Variants in SYCP1 observed in about 807,000 individuals in gnomAD.
The protein encoded by SYCP1 is cancer/testis antigen 8.
A neutral mutation model predicts 153.1 loss-of-function variants in SYCP1; 64 were observed. The observed-to-expected ratio is 0.42, with a 90% CI of 0.34 to 0.51. The LOEUF (loss-of-function observed/expected upper bound fraction) is 0.51. Among genes scored for constraint, SYCP1 ranks in the 20% least tolerant of loss-of-function variants. SYCP1 has a pLI of 0.06. For missense variants in SYCP1, 997 were observed against 1,049.0 expected (o/e 0.95, Z 0.68); for synonymous variants, 384 against 341.8 (o/e 1.12, Z -1.36).
rs990095408 is a variant in SYCP1 at position 114,912,891 on chromosome 1, A to G, written c.1530-142A>G. The G allele has an allele frequency of 1.5e-5, 9 of 598,526 alleles. No individual in the cohort carries two copies. The African/African-American group carries it at 1.7e-4, about 11-fold the overall frequency. 37.1% of individuals were successfully genotyped at this position (598,526 alleles called of 1,614,324 possible). On this transcript the variant is annotated intron_variant, in intron 18 of 31. Transcript: ENST00000369522. ...ATCAACCTATCACCCAGCTTCAGGA[A>G]TTATAAACCAATAGTCAATTTTGTT...
At chr1:114,865,149 C>T (rs1664652708) in intron 8 of SYCP1, among the ~76,000 whole-genome samples, 1 of 151,800 alleles carries the variant, frequency 6.6e-6, no homozygotes, top group African/African-American at 2.4e-5. Flanking sequence ...TACTTTTTAT[C>T]TGTATGAACA....
intron 15 of SYCP1, among the ~76,000 whole-genome samples, chr1:114,890,455 T>C (rs141873223): frequency 3.9e-5 from 6 of 152,132 alleles, no homozygotes; most frequent in African/African-American, 1.4e-4. Flanking sequence ...CATACTAATA[T>C]ATTTTGGGTG....
Position 114,860,829 on chromosome 1 carries a change from TA to T in SYCP1, c.598+21del, listed in dbSNP as rs776514218. The T allele has an allele frequency of 6.5e-7, 1 of 1,529,838 alleles. No individual in the cohort carries two copies. The highest frequency in any genetic ancestry group is 1.2e-5 in the South Asian group (1 of 80,248). The allele number at this position is 1,529,838 out of a possible 1,614,324, so 94.8% of individuals were successfully genotyped here. A position where few individuals can be genotyped will look rare whatever the true frequency, so the allele number is the denominator to read the frequency against. On this transcript the variant is annotated intron_variant, in intron 8 of 31. Transcript: ENST00000369522. Reference sequence around the variant, plus strand: ...AGAAATGTAAATATCTTTCTTGTTTTATGTGATTTTATCAATTTATTTTACT... The same window carrying T: ...AGAAATGTAAATATCTTTCTTGTTTTTGTGATTTTATCAATTTATTTTACT...
chr1:114,914,038 C>A lies in SYCP1; in HGVS notation c.1711C>A (p.Gln571Lys). 6.4e-7 allele frequency: 1 copy of A among 1,568,428 alleles called. No homozygotes were observed. Among genetic ancestry groups the A allele is most frequent in the South Asian group, 1.2e-5 (1 of 80,514 alleles). Residue 571 changes from glutamine to lysine, a missense_variant, in exon 20 of 32, where the codon CAA becomes AAA. Gln to Lys is a moderately conservative substitution (Grantham distance 53, BLOSUM62 1). Transcript: ENST00000369522. ...QIENLQETET[Q>K]LRNELEYVRE... is the part of the protein sequence containing the mutation. ...AGAAAATCTTCAAGAAACAGAAACC[C>A]AATTAAGGCAAGACTAACAAATTGG...
At chr1:114,924,977 T>C (rs1193439696) in intron 21 of SYCP1, among the ~76,000 whole-genome samples, 1 of 152,174 alleles carries the variant, frequency 6.6e-6, no homozygotes, top group Non-Finnish European at 1.5e-5. Context: ...AGGTGCATTC[T>C]AGGTTCTTTC....
intron 8 of SYCP1, among the ~76,000 whole-genome samples, chr1:114,865,920 C>T (rs1329234018): frequency 6.6e-6 from 1 of 152,150 alleles, no homozygotes; most frequent in Non-Finnish European, 1.5e-5. Context: ...TTATGTAGTT[C>T]GAATCCTACA....
intron 18 of SYCP1, among the ~76,000 whole-genome samples, chr1:114,912,665 A>G (rs1205798691): frequency 6.6e-6 from 1 of 152,018 alleles, no homozygotes; most frequent in Non-Finnish European, 1.5e-5. Flanking sequence ...ATCAGGTTAT[A>G]GGAAGTTTGA....
Position 114,885,639 on chromosome 1 carries a change from A to T in SYCP1, c.1005+10A>T. The T allele has an allele frequency of 6.8e-7, 1 of 1,479,668 alleles. No individual in the cohort carries two copies. 91.7% of individuals were successfully genotyped at this position (1,479,668 alleles called of 1,614,324 possible). ...ATTACAAAGAAGTGTGGTATGATTT[A>T]AAAACTCATTAGTGTGTAATAAGTC... On this transcript the variant is annotated intron_variant, in intron 13 of 31. Coordinates refer to ENST00000369522, the MANE Select transcript of SYCP1 (RefSeq NM_003176.4).
Position 114,876,054 on chromosome 1 carries a change from A to C in SYCP1, c.658-15A>C. ...AAAAAAATTTAAGTATGATTCTTAA[A>C]ACTTTATATTTCAGAAAATGATAAC... On this transcript the variant is annotated splice_polypyrimidine_tract_variant and intron_variant, in intron 9 of 31. Coordinates refer to ENST00000369522, the MANE Select transcript of SYCP1 (RefSeq NM_003176.4). 1 of 1,530,694 alleles carries C rather than the reference A, an allele frequency of 6.5e-7. No individual in the cohort carries two copies. Among genetic ancestry groups the C allele is most frequent in the Non-Finnish European group, 8.8e-7 (1 of 1,137,248 alleles). 94.8% of individuals were successfully genotyped at this position (1,530,694 alleles called of 1,614,324 possible). A position where few individuals can be genotyped will look rare whatever the true frequency, so the allele number is the denominator to read the frequency against.
chr1:114,963,641 G>C (rs983799758), intron 27 of SYCP1, among the ~76,000 whole-genome samples: 1 of 152,056 alleles, frequency 6.6e-6, no homozygotes, highest in Non-Finnish European at 1.5e-5. Context: ...TTCTGTTTCT[G>C]TGTTAGTTTG....
At chr1:114,962,139 C>A (rs1345562296) in intron 27 of SYCP1, among the ~76,000 whole-genome samples, 3 of 152,092 alleles carry the variant, frequency 2.0e-5, no homozygotes, top group South Asian at 2.1e-4. Context: ...GCCGGCACAA[C>A]ACCCAGCTAA....
chr1:114,878,239 G>A (rs1557764778), intron 12 of SYCP1, 37 bp downstream of exon 12: 1 of 1,251,682 alleles, frequency 8.0e-7, no homozygotes. Context: ...TGTGCCTTAT[G>A]TATTCCTCTT....
intron 23 of SYCP1, among the ~76,000 whole-genome samples, chr1:114,928,204 C>G (rs1197420476): frequency 1.3e-5 from 2 of 152,070 alleles, no homozygotes; most frequent in Non-Finnish European, 2.9e-5. Flanking sequence ...CTCAGCAAAT[C>G]CAAAGCAAGA....
At chr1:114,944,554 A>G (rs898385588) in intron 24 of SYCP1, 99 bp downstream of exon 24, 2 of 754,682 alleles carry the variant, frequency 2.7e-6, no homozygotes, top group East Asian at 3.0e-5. Context: ...CTATTAAATT[A>G]CAATTTTAGA....
intron 23 of SYCP1, among the ~76,000 whole-genome samples, chr1:114,937,903 G>T (rs992191065): frequency 6.6e-6 from 1 of 152,178 alleles, no homozygotes; most frequent in Non-Finnish European, 1.5e-5. Flanking sequence ...AACAACAGGT[G>T]CTGGAGAGGA....
chr1:114,945,886 T>C (rs1237417445), intron 25 of SYCP1, among the ~76,000 whole-genome samples: 1 of 152,154 alleles, frequency 6.6e-6, no homozygotes, highest in Non-Finnish European at 1.5e-5. Context: ...ACCCATTAAC[T>C]CATCATTTAC....
At chr1:114,880,471 C>T (rs1335391788) in intron 12 of SYCP1, among the ~76,000 whole-genome samples, 2 of 152,168 alleles carry the variant, frequency 1.3e-5, no homozygotes, top group Non-Finnish European at 1.5e-5. Flanking sequence ...ATGATGTTGT[C>T]TTTTCTCTGC....
intron 27 of SYCP1, among the ~76,000 whole-genome samples, chr1:114,949,294 A>T (rs1402359062): frequency 6.6e-6 from 1 of 152,164 alleles, no homozygotes; most frequent in African/African-American, 2.4e-5. Flanking sequence ...AATCAGTGAA[A>T]GGTCAGTGTT....
At position 114,977,625 on chromosome 1, in the gene SYCP1, A is replaced by G. The variant is rs1570904067; in HGVS notation, c.2382+9A>G. ...AAGAAAAAAAAGACAAGGTAAGAGCATATAATTCTCATAGTTTTAAAATAC... is the reference window on the plus strand; with the variant it reads ...AAGAAAAAAAAGACAAGGTAAGAGCGTATAATTCTCATAGTTTTAAAATAC... On this transcript the variant is annotated intron_variant, in intron 28 of 31. Coordinates refer to ENST00000369522, the MANE Select transcript of SYCP1 (RefSeq NM_003176.4). 2.0e-6 allele frequency: 3 copies of G among 1,473,036 alleles called. No homozygotes were observed. The highest frequency in any genetic ancestry group is 2.7e-6 in the Non-Finnish European group (3 of 1,096,286). 91.2% of individuals were successfully genotyped at this position (1,473,036 alleles called of 1,614,324 possible).
Sources: allele counts gnomAD v4.1 joint callset (sites outside exome capture counted in the v4.1 genomes callset), GRCh38; gene constraint gnomAD v4.1.1; transcripts MANE v1.5; gene names NCBI Gene and HGNC (gene_info 2026-07-23, HGNC 2026-07-21).